DNMBP: variants seen among roughly 807,000 people sequenced by gnomAD.
The protein encoded by DNMBP is dynamin-binding protein.
DNMBP carries 87 observed loss-of-function variants against 150.0 expected under a neutral mutation model. The ratio of observed to expected loss-of-function variants is 0.58; its 90% confidence interval spans 0.49 to 0.69. The LOEUF is 0.69. Among genes scored for constraint, DNMBP ranks in the 30% least tolerant of loss-of-function variants. The probability of loss-of-function intolerance (pLI) is 0.00; values close to 1 mark genes in which losing one functional copy is unlikely to be tolerated. For synonymous variants in DNMBP, 711 were observed against 750.4 expected (o/e 0.95, Z 0.86); for missense variants, 1,774 against 1,949.0 (o/e 0.91, Z 1.69).
Position 99,956,239 on chromosome 10 carries a change from A to T in DNMBP, c.1235T>A (p.Ile412Asn). 1 of 1,613,668 alleles carries T rather than the reference A, an allele frequency of 6.2e-7. No individual in the cohort carries two copies. ...TSDPTEVVNG[I>N]SSQPQVPFHP... is the part of the protein sequence containing the mutation. ...AAAAGGGACCTGAGGTTGGGAGGAA[A>T]TACCATTGACTACTTCTGTAGGGTC... The change falls in exon 4 of 17, where the codon ATT (isoleucine) becomes AAT (asparagine). Residue 412 changes from isoleucine to asparagine, a missense_variant. Coordinates refer to ENST00000324109, the MANE Select transcript of DNMBP (RefSeq NM_015221.4).
intron 1 of DNMBP, among the ~76,000 whole-genome samples, chr10:99,984,525 C>T (rs1007670867): frequency 6.6e-6 from 1 of 152,174 alleles, no homozygotes; most frequent in African/African-American, 2.4e-5. Flanking sequence ...ACAAAGAACA[C>T]AATAAACGTG....
chr10:99,980,165 C>T (rs540063735), intron 1 of DNMBP, among the ~76,000 whole-genome samples: 5 of 152,270 alleles, frequency 3.3e-5, no homozygotes, highest in Non-Finnish European at 5.9e-5. Context: ...CAATGTAGAG[C>T]TGGGTGCGGT....
At chr10:99,997,558 A>T (rs548292937) in intron 1 of DNMBP, among the ~76,000 whole-genome samples, 6 of 152,360 alleles carry the variant, frequency 3.9e-5, no homozygotes, top group Non-Finnish European at 8.8e-5. Flanking sequence ...CAGCAAAGTT[A>T]TATCAGACAC....
At chr10:99,941,070 T>G (rs2040293699) in intron 4 of DNMBP, among the ~76,000 whole-genome samples, 1 of 152,014 alleles carries the variant, frequency 6.6e-6, no homozygotes, top group Non-Finnish European at 1.5e-5. Flanking sequence ...TTTTTAGTAG[T>G]GACGGGGTTT....
Position 99,926,152 on chromosome 10 carries a change from T to C in DNMBP, c.2261-17006A>G, listed in dbSNP as rs143584093. ...CCAGGTCCCCTTCTCATCATAACCATGTATGTTATTAGCAAGTGCAAAACC... is the reference window on the plus strand; with the variant it reads ...CCAGGTCCCCTTCTCATCATAACCACGTATGTTATTAGCAAGTGCAAAACC... On this transcript the variant is annotated intron_variant, in intron 4 of 16. Coordinates refer to ENST00000324109, the MANE Select transcript of DNMBP (RefSeq NM_015221.4). 5.3e-5 allele frequency among the ~76,000 whole-genome samples: 8 copies of C among 152,354 alleles called. No individual in the cohort carries two copies. In the East Asian group the frequency reaches 1.5e-3, roughly 29 times the overall value.
chr10:99,946,116 C>T (rs1458937253), intron 4 of DNMBP, among the ~76,000 whole-genome samples: 1 of 152,148 alleles, frequency 6.6e-6, no homozygotes, highest in Non-Finnish European at 1.5e-5. Context: ...ACCACTATGC[C>T]CTGCTAATTT....
At chr10:99,891,345 G>A (rs1157442635) in intron 11 of DNMBP, among the ~76,000 whole-genome samples, 2 of 151,118 alleles carry the variant, frequency 1.3e-5, no homozygotes, top group Non-Finnish European at 3.0e-5. Flanking sequence ...CACCACGCCT[G>A]ACTGGTTTTG....
intron 11 of DNMBP, among the ~76,000 whole-genome samples, chr10:99,891,849 C>T (rs1473710913): frequency 6.6e-6 from 1 of 151,136 alleles, no homozygotes; most frequent in Admixed American, 6.6e-5. Context: ...GTGAGGAGCG[C>T]CTCTGCCCGG....
At chr10:99,904,138 C>A (rs2039787374) in intron 6 of DNMBP, among the ~76,000 whole-genome samples, 1 of 151,908 alleles carries the variant, frequency 6.6e-6, no homozygotes, top group Non-Finnish European at 1.5e-5. Flanking sequence ...ATCTGTAGTC[C>A]CAGCTACTAG....
intron 4 of DNMBP, among the ~76,000 whole-genome samples, chr10:99,923,709 CT>C (rs1272896940): frequency 6.6e-6 from 1 of 152,208 alleles, no homozygotes; most frequent in Non-Finnish European, 1.5e-5. Context: ...TTCCCCACGT[CT>C]TTGTCACCAC....
At chr10:99,989,088 T>C (rs961606809) in intron 1 of DNMBP, among the ~76,000 whole-genome samples, 4 of 152,230 alleles carry the variant, frequency 2.6e-5, no homozygotes, top group Non-Finnish European at 5.9e-5. Flanking sequence ...CACCCTCTTG[T>C]AGGAATTATA....
At position 99,884,197 on chromosome 10, in the gene DNMBP, G is replaced by A; in HGVS notation, c.3811C>T (p.Leu1271=). 1 of 1,612,896 alleles carries A rather than the reference G, an allele frequency of 6.2e-7. No homozygotes were observed. Among genetic ancestry groups the A allele is most frequent in the Non-Finnish European group, 8.5e-7 (1 of 1,179,664 alleles). ...GAGGCCCGGAGTTCTTCTGACTGTA[G>A]CATGTAACTTGGCTGAAAGGTAAGA... ...KPLLGLPSYM[L]QSEELRASLL... is the part of the protein sequence containing the mutation. Residue 1271 remains leucine, a synonymous_variant, in exon 15 of 17, where the codon CTA becomes TTA. Transcript: ENST00000324109.
intron 9 of DNMBP, among the ~76,000 whole-genome samples, chr10:99,897,362 A>C (rs955680591): frequency 6.6e-6 from 1 of 152,190 alleles, no homozygotes; most frequent in African/African-American, 2.4e-5. Context: ...AAAGGTGAGC[A>C]GATTGGGGTT....
chr10:99,884,335 A>G lies in DNMBP; in HGVS notation c.3799-126T>C, dbSNP rs1347963801. 4.8e-6 allele frequency: 4 copies of G among 826,888 alleles called. No individual in the cohort carries two copies. The East Asian group carries it at 1.0e-4, about 22-fold the overall frequency. The allele number at this position is 826,888 out of a possible 1,614,324, so 51.2% of individuals were successfully genotyped here. A position where few individuals can be genotyped will look rare whatever the true frequency, so the allele number is the denominator to read the frequency against. On this transcript the variant is annotated intron_variant, in intron 14 of 16. Coordinates refer to ENST00000324109, the MANE Select transcript of DNMBP (RefSeq NM_015221.4). Reference sequence around the variant, plus strand: ...GTCAGTCACTGCCCATCTCACTCCCATCAGATGTTTTTGTGATGAAGCCAG... The same window carrying G: ...GTCAGTCACTGCCCATCTCACTCCCGTCAGATGTTTTTGTGATGAAGCCAG...
At chr10:99,897,828 G>T (rs2039677190) in intron 9 of DNMBP, among the ~76,000 whole-genome samples, 1 of 152,116 alleles carries the variant, frequency 6.6e-6, no homozygotes, top group South Asian at 2.1e-4. Context: ...TGGGAGAATT[G>T]CTTGAACATG....
rs1487481607 is a variant in DNMBP at position 99,909,133 on chromosome 10, G to C, written c.2274C>G (p.Leu758=). 6.2e-7 allele frequency: 1 copy of C among 1,613,354 alleles called. No homozygotes were observed. The highest frequency in any genetic ancestry group is 1.7e-5 in the Admixed American group (1 of 59,802). ...ELQQLREMTL[L]SSQSSSLVAP... is the part of the protein sequence containing the mutation. ...CCACCAGTGATGAAGACTGGGAGGA[G>C]AGGAGCGTCATTTCTAGAAGGGAAA... Residue 758 remains leucine, a synonymous_variant, in exon 5 of 17, where the codon CTC becomes CTG. Coordinates refer to ENST00000324109, the MANE Select transcript of DNMBP (RefSeq NM_015221.4).
chr10:99,889,143 C>T, intron 11 of DNMBP, 190 bp from the exon 12 acceptor site: 1 of 593,636 alleles, frequency 1.7e-6, no homozygotes, highest in Non-Finnish European at 2.8e-6. Context: ...CAGAGAAAGG[C>T]TAAGACTTTT....
intron 1 of DNMBP, among the ~76,000 whole-genome samples, chr10:99,998,462 G>A (rs559646954): frequency 1.3e-5 from 2 of 150,714 alleles, no homozygotes; most frequent in East Asian, 3.9e-4. Flanking sequence ...CGCCTGTAAT[G>A]CCAGCTACTC....
chr10:99,988,728 C>T (rs2040854093), intron 1 of DNMBP, among the ~76,000 whole-genome samples: 1 of 152,130 alleles, frequency 6.6e-6, no homozygotes, highest in Admixed American at 6.6e-5. Flanking sequence ...GTGGTTCAAT[C>T]TTGGCTCACT....
Sources: gnomAD v4.1 joint callset for allele counts (sites outside exome capture counted in the v4.1 genomes callset) on GRCh38, gnomAD v4.1.1 for gene constraint, MANE v1.5 for transcripts, NCBI Gene and HGNC (gene_info 2026-07-23, HGNC 2026-07-21) for gene names.